Variants in POU6F2 observed in about 807,000 individuals in gnomAD.
The protein encoded by POU6F2 is POU class 6 homeobox 2.
In POU6F2, 31 loss-of-function variants were observed where a neutral mutation model predicts 71.3. The ratio of observed to expected loss-of-function variants is 0.43; its 90% CI spans 0.33 to 0.59. POU6F2 has a LOEUF of 0.59. Among genes scored for constraint, POU6F2 ranks in the 20% least tolerant of loss-of-function variants. The pLI is 0.04. For synonymous variants in POU6F2, 347 were observed against 355.7 expected (o/e 0.98, Z 0.27); for missense variants, 783 against 856.8 (o/e 0.91, Z 1.07).
intron 1 of POU6F2, among the ~76,000 whole-genome samples, chr7:38,990,220 T>C (rs1248698362): frequency 6.6e-6 from 1 of 151,922 alleles, no homozygotes; most frequent in Non-Finnish European, 1.5e-5. Flanking sequence ...CCAAAAAAAG[T>C]ATATCTTAAC....
intron 2 of POU6F2, among the ~76,000 whole-genome samples, chr7:39,126,773 A>T (rs1218334649): frequency 6.6e-6 from 1 of 152,232 alleles, no homozygotes; most frequent in Non-Finnish European, 1.5e-5. Flanking sequence ...TGTATATGGA[A>T]ATCAGAGATA....
intron 2 of POU6F2, among the ~76,000 whole-genome samples, chr7:39,191,665 T>A (rs1793670439): frequency 6.6e-6 from 1 of 152,240 alleles, no homozygotes; most frequent in South Asian, 2.1e-4. Flanking sequence ...TTTTGTTCTA[T>A]TTGACTTTAA....
rs140786629 is a variant in POU6F2 at position 39,360,687 on chromosome 7, C to G, written c.972+20672C>G. 3.1e-3 allele frequency among the ~76,000 whole-genome samples: 474 copies of G among 152,338 alleles called. 7 individuals carry two copies. In the East Asian group the frequency reaches 0.043, roughly 14 times the overall value. ...GTAAAGAATGAAAGAATGGCTACTTCCATAGGCAGAGGAGCCCCGAGGGCT... is the reference window on the plus strand; with the variant it reads ...GTAAAGAATGAAAGAATGGCTACTTGCATAGGCAGAGGAGCCCCGAGGGCT... On this transcript the variant is annotated intron_variant, in intron 5 of 9. Coordinates refer to ENST00000518318, the MANE Select transcript of POU6F2 (RefSeq NM_001370959.1).
intron 4 of POU6F2, among the ~76,000 whole-genome samples, chr7:39,270,127 G>T (rs917575671): frequency 7.9e-5 from 12 of 152,160 alleles, no homozygotes; most frequent in Non-Finnish European, 1.5e-4. Context: ...ACAGATATAG[G>T]AATGAGCAGA....
chr7:39,174,145 G>C lies in POU6F2; in HGVS notation c.278-30090G>C, dbSNP rs574972040. 7.9e-5 allele frequency among the ~76,000 whole-genome samples: 12 copies of C among 152,304 alleles called. 1 individual carries two copies. The South Asian group carries it at 2.5e-3, about 32-fold the overall frequency. On this transcript the variant is annotated intron_variant, in intron 2 of 9. Transcript: ENST00000518318. ...TTCAGTTCACCCTGGAGGTGGGTTG[G>C]ATTTCTTTAAGCAGGAAGACACCGG...
At chr7:39,288,311 T>C (rs1195642415) in intron 4 of POU6F2, among the ~76,000 whole-genome samples, 2 of 152,142 alleles carry the variant, frequency 1.3e-5, no homozygotes, top group Non-Finnish European at 2.9e-5. Context: ...CTCTCAGCTA[T>C]GTGACATGGC....
At chr7:39,002,803 T>A (rs1294865921) in intron 1 of POU6F2, among the ~76,000 whole-genome samples, 1 of 152,282 alleles carries the variant, frequency 6.6e-6, no homozygotes, top group East Asian at 1.9e-4. Context: ...TTCTGATGCA[T>A]ATCTTCTTCC....
intron 7 of POU6F2, among the ~76,000 whole-genome samples, chr7:39,435,537 C>A (rs191625451): frequency 1.3e-5 from 2 of 152,196 alleles, no homozygotes; most frequent in East Asian, 3.9e-4. Context: ...AGACCTTTGT[C>A]AGATGGATAG....
At chr7:39,272,705 T>G (rs1199267772) in intron 4 of POU6F2, among the ~76,000 whole-genome samples, 1 of 152,206 alleles carries the variant, frequency 6.6e-6, no homozygotes, top group African/African-American at 2.4e-5. Flanking sequence ...ATGTGGGACT[T>G]TTGGATTCTT....
At position 39,188,399 on chromosome 7, in the gene POU6F2, G is replaced by A. The variant is rs114350586; in HGVS notation, c.278-15836G>A. On this transcript the variant is annotated intron_variant, in intron 2 of 9. Transcript: ENST00000518318. Reference sequence around the variant, plus strand: ...ATAATCTTGGCTCACTACAACTTCCGCCTCCTGGGCTCAAATAAGTCTTAT... The same window carrying A: ...ATAATCTTGGCTCACTACAACTTCCACCTCCTGGGCTCAAATAAGTCTTAT... Among the ~76,000 whole-genome samples, 444 of 152,152 alleles carry A rather than the reference G, an allele frequency of 2.9e-3. 2 individuals carry two copies. Among genetic ancestry groups the A allele is most frequent in the African/African-American group, 9.9e-3 (410 of 41,502 alleles).
At chr7:39,038,389 T>A (rs941819308) in intron 1 of POU6F2, among the ~76,000 whole-genome samples, 1 of 152,050 alleles carries the variant, frequency 6.6e-6, no homozygotes, top group Admixed American at 6.6e-5. Flanking sequence ...GCCTCTATTT[T>A]TAATATAAAA....
At chr7:39,255,039 T>TTTTATATATATCC (rs1361712033) in intron 4 of POU6F2, among the ~76,000 whole-genome samples, 5 of 152,264 alleles carry the variant, frequency 3.3e-5, no homozygotes, top group African/African-American at 1.2e-4. Context: ...GTGAATATCC[T>TTTTATATATATCC]TTTATATATA....
At chr7:39,198,695 G>T (rs1793832630) in intron 2 of POU6F2, among the ~76,000 whole-genome samples, 1 of 152,140 alleles carries the variant, frequency 6.6e-6, no homozygotes, top group Non-Finnish European at 1.5e-5. Context: ...TCTACTAAGG[G>T]TCTCTACAGT....
chr7:39,388,564 C>T (rs1317923441), intron 5 of POU6F2, among the ~76,000 whole-genome samples: 2 of 152,186 alleles, frequency 1.3e-5, no homozygotes, highest in African/African-American at 4.8e-5. Context: ...GATCCACCCA[C>T]CTCGGCCTCC....
intron 1 of POU6F2, among the ~76,000 whole-genome samples, chr7:39,032,291 C>G (rs368260509): frequency 7.0e-4 from 106 of 152,188 alleles, no homozygotes; most frequent in Middle Eastern, 3.4e-3. Flanking sequence ...TTCTTCATGC[C>G]AAAAGAAATT....
intron 2 of POU6F2, among the ~76,000 whole-genome samples, chr7:39,196,236 G>A (rs1048314456): frequency 1.3e-5 from 2 of 152,116 alleles, no homozygotes; most frequent in Admixed American, 6.6e-5. Context: ...GACACCTTTC[G>A]AATGCTTCCT....
intron 2 of POU6F2, among the ~76,000 whole-genome samples, chr7:39,121,566 C>A (rs946069235): frequency 2.6e-5 from 4 of 152,156 alleles, no homozygotes; most frequent in Non-Finnish European, 5.9e-5. Flanking sequence ...TAGGTACATA[C>A]TATATTTGCT....
intron 5 of POU6F2, among the ~76,000 whole-genome samples, chr7:39,372,557 C>T (rs1014205040): frequency 6.6e-6 from 1 of 152,184 alleles, no homozygotes; most frequent in African/African-American, 2.4e-5. Context: ...AAGCCTTCAA[C>T]TGATTGGATG....
chr7:39,143,872 G>A (rs988084721), intron 2 of POU6F2, among the ~76,000 whole-genome samples: 3 of 152,188 alleles, frequency 2.0e-5, no homozygotes, highest in African/African-American at 7.2e-5. Flanking sequence ...AATTATTGAA[G>A]AAACTGAATT....
Sources: gnomAD v4.1 joint callset for allele counts (sites outside exome capture counted in the v4.1 genomes callset) on GRCh38, gnomAD v4.1.1 for gene constraint, MANE v1.5 for transcripts, NCBI Gene and HGNC (gene_info 2026-07-23, HGNC 2026-07-21) for gene names.